PDE1C: variants seen among roughly 807,000 people sequenced by gnomAD.
PDE1C encodes the protein dual specificity calcium/calmodulin-dependent 3',5'-cyclic nucleotide phosphodiesterase 1C.
PDE1C carries 62 observed loss-of-function variants against 93.1 expected under a neutral mutation model. The observed-to-expected ratio is 0.67, with a 90% CI of 0.54 to 0.82. The LOEUF (loss-of-function observed/expected upper bound fraction) is 0.82, where lower values mean the gene tolerates loss of function less well. Among genes scored for constraint, PDE1C ranks in the 40% least tolerant of loss-of-function variants. The pLI, the probability that PDE1C is intolerant of heterozygous loss-of-function variation, is 0.00. For missense variants in PDE1C, 742 were observed against 884.6 expected (o/e 0.84, Z 2.04); for synonymous variants, 325 against 310.1 (o/e 1.05, Z -0.50).
chr7:31,922,695 A>T (rs1444375443), intron 2 of PDE1C, among the ~76,000 whole-genome samples: 1 of 152,222 alleles, frequency 6.6e-6, no homozygotes, highest in African/African-American at 2.4e-5. Context: ...CTGTTTATGC[A>T]ACATTTTTAC....
intron 1 of PDE1C, among the ~76,000 whole-genome samples, chr7:32,251,150 C>T (rs1038784280): frequency 6.6e-6 from 1 of 152,384 alleles, no homozygotes; most frequent in African/African-American, 2.4e-5. Flanking sequence ...GTCACACTAT[C>T]CCTGTTCCCT....
At chr7:31,788,012 G>A (rs1459584916) in intron 16 of PDE1C, 1 of 152,116 alleles carries the variant, frequency 6.6e-6, no homozygotes, top group Non-Finnish European at 1.5e-5. Flanking sequence ...GAGAGTTTTA[G>A]GTGAAGTTCT....
At position 32,089,228 on chromosome 7, in the gene PDE1C, C is replaced by T. The variant is rs139899488; in HGVS notation, c.308+80557G>A. Among the ~76,000 whole-genome samples the T allele has an allele frequency of 3.4e-3, 513 of 152,252 alleles. 4 individuals carry two copies. The highest frequency in any genetic ancestry group is 0.012 in the African/African-American group (496 of 41,532). On this transcript the variant is annotated intron_variant, in intron 3 of 18. Transcript: ENST00000396193. The stretch of plus-strand genomic sequence containing the variant: ...ATTTATTTTTGGTATGTTGTATGTA[C>T]TATTTTTTTTACAAGCATGATATCC...
chr7:31,907,071 GT>G (rs771758220), intron 2 of PDE1C, among the ~76,000 whole-genome samples: 4,282 of 22,396 alleles, frequency 0.19, 190 homozygotes, highest in East Asian at 0.5. Context: ...GATATGTGGG[GT>G]GTGTGTGTGT....
intron 2 of PDE1C, among the ~76,000 whole-genome samples, chr7:31,964,034 T>A (rs1283107530): frequency 6.6e-6 from 1 of 152,204 alleles, no homozygotes; most frequent in African/African-American, 2.4e-5. Context: ...GTGTGAGCGA[T>A]AAAGAAGACG....
chr7:32,000,937 T>C (rs1015067759), intron 2 of PDE1C, among the ~76,000 whole-genome samples: 4 of 152,276 alleles, frequency 2.6e-5, no homozygotes, highest in Non-Finnish European at 5.9e-5. Flanking sequence ...CTATCAAAAA[T>C]AAAAAGGTCG....
At chr7:32,046,211 T>A (rs1362989331) in intron 2 of PDE1C, among the ~76,000 whole-genome samples, 15 of 151,440 alleles carry the variant, frequency 9.9e-5, no homozygotes, top group East Asian at 7.8e-4. Context: ...TTGCCTTTTT[T>A]TTAAAAAAAA....
At chr7:31,986,050 A>T (rs989497265) in intron 2 of PDE1C, among the ~76,000 whole-genome samples, 5 of 152,160 alleles carry the variant, frequency 3.3e-5, no homozygotes, top group Non-Finnish European at 7.3e-5. Context: ...AGAGTGATTG[A>T]ATTATTTTCT....
chr7:31,796,611 A>G (rs1785341086), intron 16 of PDE1C, among the ~76,000 whole-genome samples: 1 of 151,812 alleles, frequency 6.6e-6, no homozygotes, highest in African/African-American at 2.4e-5. Context: ...TTGTACGTCC[A>G]TGCTCCCAAG....
chr7:31,989,017 A>AAAAAAG (rs1554451758), intron 2 of PDE1C, among the ~76,000 whole-genome samples: 6 of 147,460 alleles, frequency 4.1e-5, no homozygotes, highest in Non-Finnish European at 6.0e-5. Flanking sequence ...AAAAAAAAAA[A>AAAAAAG]AGAGAGAGAG....
chr7:31,850,960 T>C (rs1043673551), intron 7 of PDE1C: 6 of 493,120 alleles, frequency 1.2e-5, no homozygotes, highest in South Asian at 9.4e-5. Flanking sequence ...ATAAGCTAAG[T>C]AGTAGTTTTA....
chr7:32,169,014 A>G (rs2128804115), intron 3 of PDE1C, among the ~76,000 whole-genome samples: 1 of 152,330 alleles, frequency 6.6e-6, no homozygotes, highest in South Asian at 2.1e-4. Context: ...TAAAATTGAC[A>G]TAACAGGAAG....
At chr7:32,078,007 T>C (rs1796447305) in intron 3 of PDE1C, 5 of 985,400 alleles carry the variant, frequency 5.1e-6, no homozygotes, top group Non-Finnish European at 6.0e-6. Flanking sequence ...ACATTCTGCC[T>C]CTCAGAATAC....
chr7:31,870,268 A>G (rs533370508), intron 6 of PDE1C, among the ~76,000 whole-genome samples: 1 of 152,196 alleles, frequency 6.6e-6, no homozygotes, highest in Admixed American at 6.5e-5. Flanking sequence ...GAATTAAATG[A>G]AATAGAGACT....
intron 1 of PDE1C, among the ~76,000 whole-genome samples, chr7:32,400,216 T>C (rs1337540125): frequency 6.6e-6 from 1 of 152,234 alleles, no homozygotes; most frequent in Non-Finnish European, 1.5e-5. Flanking sequence ...CTTAGATTTA[T>C]ACCACAGTGC....
At chr7:32,002,636 G>T (rs552411786) in intron 2 of PDE1C, among the ~76,000 whole-genome samples, 17 of 152,256 alleles carry the variant, frequency 1.1e-4, no homozygotes, top group African/African-American at 4.1e-4. Flanking sequence ...ACCATAGCCA[G>T]AGAATAAACA....
At chr7:32,093,545 G>C (rs1358326348) in intron 3 of PDE1C, among the ~76,000 whole-genome samples, 2 of 152,194 alleles carry the variant, frequency 1.3e-5, no homozygotes, top group East Asian at 3.9e-4. Flanking sequence ...GAAATGTGGT[G>C]TTACTTCTCC....
At chr7:32,206,626 T>C (rs992335439) in intron 2 of PDE1C, among the ~76,000 whole-genome samples, 4 of 152,168 alleles carry the variant, frequency 2.6e-5, no homozygotes, top group African/African-American at 9.6e-5. Flanking sequence ...CACACTGCCC[T>C]TGTGGCTACG....
At chr7:31,802,500 TGC>T (rs1786193455) in intron 16 of PDE1C, among the ~76,000 whole-genome samples, 1 of 151,676 alleles carries the variant, frequency 6.6e-6, no homozygotes, top group Non-Finnish European at 1.5e-5. Context: ...CCTATGTAGT[TGC>T]CATTTTTAAT....
Sources: gnomAD v4.1 joint callset for allele counts (sites outside exome capture counted in the v4.1 genomes callset) on GRCh38, gnomAD v4.1.1 for gene constraint, MANE v1.5 for transcripts, NCBI Gene and HGNC (gene_info 2026-07-23, HGNC 2026-07-21) for gene names.